Variants in TMEM132C observed in about 807,000 individuals in gnomAD.
TMEM132C encodes protein phosphatase 1, regulatory subunit 152.
In TMEM132C, 29 loss-of-function variants were observed where a neutral mutation model predicts 61.4. That is an observed-to-expected ratio of 0.47 (90% CI 0.35 to 0.64). The LOEUF is 0.64. Ranked by LOEUF, TMEM132C falls within the 30% of genes least tolerant of loss-of-function variation. The probability of loss-of-function intolerance (pLI) is 0.00; values close to 1 mark genes in which losing one functional copy is unlikely to be tolerated. For synonymous variants in TMEM132C, 656 were observed against 633.1 expected (o/e 1.04, Z -0.54); for missense variants, 1,408 against 1,476.9 (o/e 0.95, Z 0.76).
chr12:128,476,457 A>T (rs186535133), intron 2 of TMEM132C, among the ~76,000 whole-genome samples: 1 of 152,146 alleles, frequency 6.6e-6, no homozygotes, highest in Non-Finnish European at 1.5e-5. Context: ...AGAAAAGAAC[A>T]TTTCTCACGT....
chr12:128,418,359 A>G (rs1207344237), intron 2 of TMEM132C, among the ~76,000 whole-genome samples: 6 of 152,178 alleles, frequency 3.9e-5, no homozygotes, highest in Non-Finnish European at 7.3e-5. Context: ...CGGCGTACAC[A>G]TTTCAGAGTC....
At chr12:128,274,991 G>A (rs1367142097) in intron 1 of TMEM132C, among the ~76,000 whole-genome samples, 2 of 152,196 alleles carry the variant, frequency 1.3e-5, no homozygotes, top group African/African-American at 2.4e-5. Context: ...CAAGGGGAAA[G>A]GATTTTCCTC....
At position 128,697,207 on chromosome 12, in the gene TMEM132C, T is replaced by G; in HGVS notation, c.1930-17T>G. ...ACAGGTGTGATGGATTTTCCTTGTG[T>G]CCTGCCAATCCCACAGGTGTTGTCT... On this transcript the variant is annotated splice_polypyrimidine_tract_variant and intron_variant, in intron 7 of 8. Coordinates refer to ENST00000435159, the MANE Select transcript of TMEM132C (RefSeq NM_001136103.3). 1 of 1,488,462 alleles carries G rather than the reference T, an allele frequency of 6.7e-7. No homozygotes were observed. Among genetic ancestry groups the G allele is most frequent in the Non-Finnish European group, 9.0e-7 (1 of 1,107,954 alleles). 92.2% of individuals were successfully genotyped at this position (1,488,462 alleles called of 1,614,324 possible).
intron 1 of TMEM132C, among the ~76,000 whole-genome samples, chr12:128,340,660 T>TA (rs1475189860): frequency 1.3e-5 from 2 of 152,192 alleles, no homozygotes; most frequent in East Asian, 3.9e-4. Context: ...TGGGGAATGA[T>TA]ACTGCTCACC....
intron 4 of TMEM132C, among the ~76,000 whole-genome samples, chr12:128,639,730 T>C (rs61516459): frequency 0.12 from 18,342 of 152,066 alleles, 1,439 homozygotes; most frequent in African/African-American, 0.23. Flanking sequence ...CACCTGAAAC[T>C]GAGGAGGTTT....
chr12:128,361,262 G>A (rs1024323960), intron 1 of TMEM132C, among the ~76,000 whole-genome samples: 5 of 152,210 alleles, frequency 3.3e-5, no homozygotes, highest in Admixed American at 6.5e-5. Context: ...CAGAGAGATT[G>A]TGGGTGGATG....
chr12:128,410,595 G>A (rs552155089), intron 1 of TMEM132C, among the ~76,000 whole-genome samples: 63 of 152,016 alleles, frequency 4.1e-4, no homozygotes, highest in African/African-American at 1.3e-3. Flanking sequence ...TAGTAGAGAC[G>A]GGGTTTCACC....
intron 2 of TMEM132C, among the ~76,000 whole-genome samples, chr12:128,422,869 C>CA (rs768430934): frequency 1.2e-4 from 18 of 152,162 alleles, no homozygotes; most frequent in Admixed American, 3.3e-4. Flanking sequence ...CTTTGGGGGA[C>CA]AAAATCACCC....
intron 2 of TMEM132C, among the ~76,000 whole-genome samples, chr12:128,489,350 GGA>G (rs1871624805): frequency 6.7e-6 from 1 of 149,924 alleles, no homozygotes; most frequent in Non-Finnish European, 1.5e-5. Context: ...AGAGGATGGG[GGA>G]GAAAGGAGGC....
intron 3 of TMEM132C, among the ~76,000 whole-genome samples, chr12:128,605,154 C>CATAGATACATAG (rs201852638): frequency 6.6e-6 from 1 of 151,328 alleles, no homozygotes; most frequent in African/African-American, 2.4e-5. Flanking sequence ...TACATAGATA[C>CATAGATACATAG]ATAGATAATG....
chr12:128,658,488 G>A (rs1022346326), intron 4 of TMEM132C, among the ~76,000 whole-genome samples: 3 of 152,056 alleles, frequency 2.0e-5, no homozygotes, highest in African/African-American at 7.2e-5. Context: ...CTGCGCTTCC[G>A]CTGAGATAGA....
chr12:128,620,127 G>T (rs1164683907), intron 4 of TMEM132C, among the ~76,000 whole-genome samples: 1 of 151,510 alleles, frequency 6.6e-6, no homozygotes, highest in African/African-American at 2.4e-5. Context: ...AGCTCCTAGG[G>T]AGGCTGAGGT....
At chr12:128,455,396 T>C (rs1870306042) in intron 2 of TMEM132C, among the ~76,000 whole-genome samples, 1 of 152,224 alleles carries the variant, frequency 6.6e-6, no homozygotes, top group South Asian at 2.1e-4. Context: ...CCCGGCCGTC[T>C]GTGCTCAGGT....
chr12:128,310,495 G>C (rs974138806), intron 1 of TMEM132C, among the ~76,000 whole-genome samples: 2 of 151,988 alleles, frequency 1.3e-5, no homozygotes, highest in Non-Finnish European at 2.9e-5. Context: ...AGAGTTGGGT[G>C]GGGGGGTTTG....
chr12:128,534,625 C>A (rs963002697), intron 2 of TMEM132C, among the ~76,000 whole-genome samples: 1 of 152,234 alleles, frequency 6.6e-6, no homozygotes, highest in African/African-American at 2.4e-5. Context: ...ACCTTGAAGC[C>A]AGGCATCCTC....
intron 5 of TMEM132C, among the ~76,000 whole-genome samples, chr12:128,683,839 G>A (rs1306225176): frequency 6.6e-6 from 1 of 152,090 alleles, no homozygotes; most frequent in East Asian, 1.9e-4. Context: ...GGTGGTGGAT[G>A]CCTGTCGTCC....
Position 128,278,283 on chromosome 12 carries a change from T to G in TMEM132C, c.85+10796T>G, listed in dbSNP as rs1188414614. On this transcript the variant is annotated intron_variant, in intron 1 of 8. Coordinates refer to ENST00000435159, the MANE Select transcript of TMEM132C (RefSeq NM_001136103.3). This position sits in a 1 kb window ranked among gnomAD's most constrained non-coding sequence, Gnocchi z 4.2. ...TTATCTTCAATTTTTGTAAACCTTT[T>G]GGGTCACGACACAGCCCCGGGTTAC... Among the ~76,000 whole-genome samples, 1 of 152,214 alleles carries G rather than the reference T, an allele frequency of 6.6e-6. No individual in the cohort carries two copies.
At chr12:128,352,606 AGC>A (rs1330765437) in intron 1 of TMEM132C, among the ~76,000 whole-genome samples, 2 of 152,204 alleles carry the variant, frequency 1.3e-5, no homozygotes, top group Non-Finnish European at 2.9e-5. Context: ...ACATAAAATC[AGC>A]CATCCCCATA....
At chr12:128,664,504 C>T (rs1466558300) in intron 4 of TMEM132C, among the ~76,000 whole-genome samples, 1 of 152,184 alleles carries the variant, frequency 6.6e-6, no homozygotes, top group Non-Finnish European at 1.5e-5. Context: ...AGAGAAAAAA[C>T]ATTTAATAAT....
Sources: gnomAD v4.1 joint callset for allele counts (sites outside exome capture counted in the v4.1 genomes callset) on GRCh38, gnomAD v4.1.1 for gene constraint, Gnocchi (gnomAD v3.1) non-coding constraint, MANE v1.5 for transcripts, NCBI Gene and HGNC (gene_info 2026-07-23, HGNC 2026-07-21) for gene names.